The following SLIT3 variants were observed in gnomAD, a reference collection of about 807,000 sequenced individuals.
The protein encoded by SLIT3 is slit homolog 3 protein.
SLIT3 carries 68 observed loss-of-function variants against 184.0 expected under a neutral mutation model. The ratio of observed to expected loss-of-function variants is 0.37; its 90% CI spans 0.30 to 0.45. SLIT3 has a LOEUF of 0.45. Ranked by LOEUF, SLIT3 falls within the 20% of genes least tolerant of loss-of-function variation. SLIT3 has a pLI of 1.00. For synonymous variants in SLIT3, 831 were observed against 828.6 expected (o/e 1.00, Z -0.05); for missense variants, 1,707 against 2,026.0 (o/e 0.84, Z 3.02).
At chr5:168,990,730 C>T (rs1034669540) in intron 4 of SLIT3, among the ~76,000 whole-genome samples, 11 of 152,168 alleles carry the variant, frequency 7.2e-5, no homozygotes, top group Admixed American at 5.2e-4. Context: ...ACAGGGACCT[C>T]AGGCAGGTCC....
At chr5:169,116,560 G>A (rs1300981679) in intron 4 of SLIT3, among the ~76,000 whole-genome samples, 2 of 152,194 alleles carry the variant, frequency 1.3e-5, no homozygotes. Context: ...CATTATGAAA[G>A]CTATGCTGAC....
intron 25 of SLIT3, among the ~76,000 whole-genome samples, chr5:168,710,505 T>A (rs1240802391): frequency 6.6e-6 from 1 of 152,098 alleles, no homozygotes; most frequent in Non-Finnish European, 1.5e-5. Context: ...GGCTTATGCC[T>A]GTAATCCCAG....
chr5:169,004,651 A>G (rs1053436911), intron 4 of SLIT3, among the ~76,000 whole-genome samples: 2 of 152,174 alleles, frequency 1.3e-5, no homozygotes, highest in South Asian at 2.1e-4. Flanking sequence ...TCTGTGTCCA[A>G]CTAAAATTCA....
chr5:169,119,635 G>T (rs1760809114), intron 4 of SLIT3, among the ~76,000 whole-genome samples: 1 of 152,120 alleles, frequency 6.6e-6, no homozygotes, highest in South Asian at 2.1e-4. Context: ...CCAATTTCAG[G>T]TGAACAGTCA....
intron 1 of SLIT3, among the ~76,000 whole-genome samples, chr5:169,289,492 TC>T (rs1474767147): frequency 1.3e-5 from 2 of 152,124 alleles, no homozygotes; most frequent in African/African-American, 4.8e-5. Flanking sequence ...ATTTATAGAG[TC>T]CAGCCCTGGG....
At chr5:168,966,163 G>A (rs1763184755) in intron 4 of SLIT3, among the ~76,000 whole-genome samples, 1 of 152,130 alleles carries the variant, frequency 6.6e-6, no homozygotes. Context: ...ACAGTTATCT[G>A]ATTAGCATTA....
At position 168,684,093 on chromosome 5, in the gene SLIT3, C is replaced by T. The variant is rs1231547464; in HGVS notation, c.3559G>A (p.Ala1187Thr). 6.3e-7 allele frequency: 1 copy of T among 1,592,122 alleles called. No homozygotes were observed. Among genetic ancestry groups the T allele is most frequent in the Non-Finnish European group, 8.6e-7 (1 of 1,167,808 alleles). Residue 1187 changes from alanine (A) to threonine (T), a missense_variant, in exon 32 of 36, where the codon GCC (alanine) becomes ACC (threonine). Coordinates refer to ENST00000519560, the MANE Select transcript of SLIT3 (RefSeq NM_003062.4). ...AGGATGCCGTTGTCCTTGTCAGTGG[C>T]CACCTGGAGAAAGCAGCCGGGGCGT... ...RPQANISLQV[A>T]TDKDNGILLY...
chr5:168,747,243 T>A (rs943421035), intron 20 of SLIT3, among the ~76,000 whole-genome samples: 2 of 152,206 alleles, frequency 1.3e-5, no homozygotes, highest in South Asian at 4.1e-4. Context: ...ACTTCTCACT[T>A]TGCGTGTCCT....
intron 4 of SLIT3, among the ~76,000 whole-genome samples, chr5:168,988,977 A>C (rs1755225876): frequency 6.6e-6 from 1 of 152,232 alleles, no homozygotes; most frequent in Non-Finnish European, 1.5e-5. Flanking sequence ...AATCCTGCTA[A>C]AGCAAACTCC....
At chr5:169,068,107 G>GA (rs1396410850) in intron 4 of SLIT3, among the ~76,000 whole-genome samples, 1 of 152,056 alleles carries the variant, frequency 6.6e-6, no homozygotes, top group Non-Finnish European at 1.5e-5. Flanking sequence ...GTGCAGCTTG[G>GA]AAATTTTCCA....
At chr5:168,968,501 T>C (rs1195132123) in intron 4 of SLIT3, among the ~76,000 whole-genome samples, 1 of 152,240 alleles carries the variant, frequency 6.6e-6, no homozygotes, top group Non-Finnish European at 1.5e-5. Context: ...TCTGGCCCTG[T>C]TGGGTTCATT....
chr5:168,828,476 T>A (rs1361466939), intron 6 of SLIT3, among the ~76,000 whole-genome samples: 2 of 151,120 alleles, frequency 1.3e-5, no homozygotes, highest in Non-Finnish European at 3.0e-5. Flanking sequence ...ACCAAAAAAA[T>A]GAAAAATAAA....
At chr5:169,123,128 T>C (rs1581432099) in intron 4 of SLIT3, among the ~76,000 whole-genome samples, 1 of 152,254 alleles carries the variant, frequency 6.6e-6, no homozygotes, top group South Asian at 2.1e-4. Context: ...AATCAACTTA[T>C]ACTAGCTTGT....
At chr5:168,909,737 G>A (rs756969013) in intron 4 of SLIT3, among the ~76,000 whole-genome samples, 11 of 152,076 alleles carry the variant, frequency 7.2e-5, no homozygotes, top group Admixed American at 1.3e-4. Context: ...TTTCCTCTCC[G>A]CTAGTCTCCA....
At chr5:168,669,296 A>G (rs909133827) in intron 35 of SLIT3, among the ~76,000 whole-genome samples, 4 of 152,220 alleles carry the variant, frequency 2.6e-5, no homozygotes, top group Non-Finnish European at 5.9e-5. Flanking sequence ...ACTCTGGGAC[A>G]TGCCAGCTGC....
intron 3 of SLIT3, among the ~76,000 whole-genome samples, chr5:169,240,520 A>G (rs1765362284): frequency 6.9e-6 from 1 of 144,762 alleles, no homozygotes. Flanking sequence ...TTTAAAGTCT[A>G]TATTATCTTT....
chr5:168,943,376 G>C (rs1762381213), intron 4 of SLIT3, among the ~76,000 whole-genome samples: 1 of 152,200 alleles, frequency 6.6e-6, no homozygotes, highest in Non-Finnish European at 1.5e-5. Context: ...AATAGAGAAA[G>C]AAAACTGATC....
chr5:169,139,651 A>G (rs1761652176), intron 4 of SLIT3, among the ~76,000 whole-genome samples: 1 of 152,230 alleles, frequency 6.6e-6, no homozygotes, highest in Non-Finnish European at 1.5e-5. Context: ...AGAATTCCAG[A>G]AAAACTGCAA....
chr5:168,881,253 A>G (rs983556880), intron 5 of SLIT3, among the ~76,000 whole-genome samples: 2 of 152,204 alleles, frequency 1.3e-5, no homozygotes, highest in African/African-American at 4.8e-5. Context: ...GGTTTGTAGA[A>G]TCTTGAACCT....
Sources: gnomAD v4.1 joint callset for allele counts (sites outside exome capture counted in the v4.1 genomes callset) on GRCh38, gnomAD v4.1.1 for gene constraint, MANE v1.5 for transcripts, NCBI Gene and HGNC (gene_info 2026-07-23, HGNC 2026-07-21) for gene names.